The following TEK variants were observed in gnomAD, a reference collection of about 807,000 sequenced individuals.
TEK encodes the protein angiopoietin-1 receptor.
A neutral mutation model predicts 131.8 loss-of-function variants in TEK; 43 were observed. The observed-to-expected ratio is 0.33, with a 90% CI of 0.26 to 0.42. The LOEUF (loss-of-function observed/expected upper bound fraction) is 0.42. Among genes scored for constraint, TEK ranks in the 10% least tolerant of loss-of-function variants. The probability of loss-of-function intolerance (pLI) is 1.00; values close to 1 mark genes in which losing one functional copy is unlikely to be tolerated. For synonymous variants in TEK, 580 were observed against 491.6 expected (o/e 1.18, Z -2.38); for missense variants, 1,162 against 1,384.4 (o/e 0.84, Z 2.55).
intron 10 of TEK, 76 bp downstream of exon 10, chr9:27,190,766 C>G: frequency 6.4e-7 from 1 of 1,574,668 alleles, no homozygotes; most frequent in South Asian, 1.1e-5. Context: ...TCTAGAAATT[C>G]CCTTCTCCCT....
chr9:27,170,595 C>A (rs1252965061), intron 4 of TEK, among the ~76,000 whole-genome samples: 1 of 134,412 alleles, frequency 7.4e-6, no homozygotes, highest in African/African-American at 2.8e-5. Flanking sequence ...AAGAGCAAGA[C>A]CTTGTCTCAA....
At chr9:27,207,752 T>TA (rs1331544622) in intron 15 of TEK, among the ~76,000 whole-genome samples, 2 of 151,126 alleles carry the variant, frequency 1.3e-5, no homozygotes, top group Non-Finnish European at 3.0e-5. Context: ...CAGATTTTTC[T>TA]TTTTTTTTGG....
chr9:27,130,232 C>T (rs962944836), intron 1 of TEK, among the ~76,000 whole-genome samples: 1 of 151,986 alleles, frequency 6.6e-6, no homozygotes, highest in African/African-American at 2.4e-5. Flanking sequence ...AAGGCCAGAA[C>T]CAGACTTGAG....
At chr9:27,134,199 G>T (rs1822330740) in intron 1 of TEK, among the ~76,000 whole-genome samples, 1 of 152,176 alleles carries the variant, frequency 6.6e-6, no homozygotes, top group Non-Finnish European at 1.5e-5. Flanking sequence ...AAGCATGTTT[G>T]CTAGAAAGCA....
intron 17 of TEK, 120 bp downstream of exon 17, chr9:27,213,017 C>T: frequency 9.3e-7 from 1 of 1,078,690 alleles, no homozygotes; most frequent in Non-Finnish European, 1.4e-6. Flanking sequence ...AAATCTCCCT[C>T]ATTTTAATCT....
At chr9:27,154,635 A>G (rs1823261005) in intron 1 of TEK, among the ~76,000 whole-genome samples, 1 of 152,226 alleles carries the variant, frequency 6.6e-6, no homozygotes, top group African/African-American at 2.4e-5. Flanking sequence ...TCTCATTTTA[A>G]GAAAACTAAG....
intron 13 of TEK, among the ~76,000 whole-genome samples, chr9:27,204,443 A>G (rs595303): frequency 0.21 from 31,336 of 152,040 alleles, 3,720 homozygotes; most frequent in Non-Finnish European, 0.27. Context: ...TCATTAACTC[A>G]TTAAAACAAG....
intron 1 of TEK, among the ~76,000 whole-genome samples, chr9:27,134,583 G>A (rs935389790): frequency 2.6e-5 from 4 of 152,170 alleles, no homozygotes; most frequent in Non-Finnish European, 4.4e-5. Context: ...TAGGGCTCTT[G>A]CTGACTAGTC....
Position 27,197,474 on chromosome 9 carries a change from G to A in TEK, c.1784G>A (p.Gly595Asp). ...GATCAGCAGAATATTAAAGTTCCAG[G>A]CAACTTGACTTCGGTGCTACTTAAC... ...KSDQQNIKVP[G>D]NLTSVLLNNL... is the part of the protein sequence containing the mutation. The change falls in exon 12 of 23, where the codon GGC becomes GAC. Residue 595 changes from glycine (G) to aspartate (D), a missense_variant. Physicochemically the swap from Gly to Asp is moderately conservative, Grantham distance 94. Transcript: ENST00000380036. 6.2e-7 allele frequency: 1 copy of A among 1,614,040 alleles called. No individual in the cohort carries two copies. The highest frequency in any genetic ancestry group is 8.5e-7 in the Non-Finnish European group (1 of 1,179,994).
intron 21 of TEK, among the ~76,000 whole-genome samples, chr9:27,226,657 G>A (rs1007468089): frequency 3.9e-5 from 6 of 152,080 alleles, no homozygotes; most frequent in African/African-American, 1.2e-4. Flanking sequence ...AAACCACCAT[G>A]GCACTTGTAT....
chr9:27,189,476 G>A (rs1390079799), intron 9 of TEK, among the ~76,000 whole-genome samples: 1 of 152,132 alleles, frequency 6.6e-6, no homozygotes, highest in Non-Finnish European at 1.5e-5. Context: ...AATTTTCATT[G>A]TTTCTGGGGC....
chr9:27,211,851 T>A (rs375765467), intron 16 of TEK, among the ~76,000 whole-genome samples: 1 of 132,894 alleles, frequency 7.5e-6, no homozygotes, highest in African/African-American at 3.1e-5. Flanking sequence ...AAAATAACTT[T>A]AACTTTACAT....
intron 13 of TEK, 85 bp downstream of exon 13, chr9:27,203,204 A>C: frequency 6.8e-7 from 1 of 1,481,012 alleles, no homozygotes; most frequent in Non-Finnish European, 9.4e-7. Flanking sequence ...TGTGAGATGA[A>C]AGCCTATGAA....
At position 27,229,921 on chromosome 9, in the gene TEK, GT is replaced by G. The variant is rs1458462409; in HGVS notation, c.*692del. ...AGAATCTTTAGAGAAGTATACATAA[GT>G]TTAGGATAAAATAATGGGATTTTCT... On this transcript the variant is annotated 3_prime_UTR_variant, in exon 23 of 23. Coordinates refer to ENST00000380036, the MANE Select transcript of TEK (RefSeq NM_000459.5). 1 of 152,260 alleles carries G rather than the reference GT, an allele frequency of 6.6e-6. No individual in the cohort carries two copies. The highest frequency in any genetic ancestry group is 6.5e-5 in the Admixed American group (1 of 15,282). The allele number at this position is 152,260 out of a possible 1,614,324, so 9.4% of individuals were successfully genotyped here. A position where few individuals can be genotyped will look rare whatever the true frequency, so the allele number is the denominator to read the frequency against.
chr9:27,162,039 T>C (rs1823565580), intron 2 of TEK, among the ~76,000 whole-genome samples: 1 of 152,236 alleles, frequency 6.6e-6, no homozygotes. Flanking sequence ...TTCTCTCCTG[T>C]ATTTTAACAA....
intron 1 of TEK, among the ~76,000 whole-genome samples, chr9:27,136,648 A>G (rs1379836922): frequency 6.6e-6 from 1 of 152,086 alleles, no homozygotes; most frequent in Non-Finnish European, 1.5e-5. Context: ...AACACACTGA[A>G]CTGACGACTG....
At chr9:27,224,323 C>G (rs1459994911) in intron 21 of TEK, among the ~76,000 whole-genome samples, 1 of 152,128 alleles carries the variant, frequency 6.6e-6, no homozygotes, top group Admixed American at 6.5e-5. Flanking sequence ...AAACTTCAGG[C>G]CAATATCCCT....
intron 1 of TEK, among the ~76,000 whole-genome samples, chr9:27,139,812 T>C (rs548536537): frequency 6.6e-5 from 10 of 152,136 alleles, no homozygotes; most frequent in Non-Finnish European, 1.3e-4. Flanking sequence ...GTATGTATAG[T>C]ACAGCAGGAG....
chr9:27,182,941 T>G (rs1824444688), intron 7 of TEK, among the ~76,000 whole-genome samples: 2 of 152,348 alleles, frequency 1.3e-5, no homozygotes, highest in East Asian at 3.9e-4. Context: ...CTTTTCCTCT[T>G]AGTTATCTGC....
Sources: allele counts gnomAD v4.1 joint callset (sites outside exome capture counted in the v4.1 genomes callset), GRCh38; gene constraint gnomAD v4.1.1; transcripts MANE v1.5; gene names NCBI Gene and HGNC (gene_info 2026-07-23, HGNC 2026-07-21).